The following MBTPS1 variants were observed in gnomAD, a reference collection of about 807,000 sequenced individuals.
MBTPS1 encodes membrane bound transcription factor peptidase, site 1.
Under a neutral mutation model 127.8 loss-of-function variants are expected in MBTPS1, and 94 were observed. The observed-to-expected ratio is 0.74, with a 90% CI of 0.62 to 0.87. MBTPS1 has a LOEUF of 0.87. Among genes scored for constraint, MBTPS1 ranks in the 40% least tolerant of loss-of-function variants. MBTPS1 has a pLI of 0.00. For missense variants in MBTPS1, 1,636 were observed against 1,353.2 expected (o/e 1.21, Z -3.28); for synonymous variants, 632 against 509.4 (o/e 1.24, Z -3.24).
chr16:84,112,020 G>T (rs761172835), intron 1 of MBTPS1, among the ~76,000 whole-genome samples: 5 of 151,830 alleles, frequency 3.3e-5, no homozygotes, highest in Admixed American at 1.3e-4. Flanking sequence ...GGCCAACATA[G>T]CAAAACCCTG....
At position 84,081,775 on chromosome 16, in the gene MBTPS1, T is replaced by G. The variant is rs770500858; in HGVS notation, c.1420A>C (p.Ile474Leu). The change falls in exon 11 of 23, where the codon ATC becomes CTC. Residue 474 changes from isoleucine to leucine, a missense_variant. Transcript: ENST00000343411. Reference sequence around the variant, plus strand: ...GCCTGTGGCTTGTAGCTGTTGAGGATCTGATAGGCTCTGAGCAGATCGAGC... The same window carrying G: ...GCCTGTGGCTTGTAGCTGTTGAGGAGCTGATAGGCTCTGAGCAGATCGAGC... ...GKLDLLRAYQ[I>L]LNSYKPQASL... 1 of 1,450,458 alleles carries G rather than the reference T, an allele frequency of 6.9e-7. No individual in the cohort carries two copies. Among genetic ancestry groups the G allele is most frequent in the Non-Finnish European group, 9.1e-7 (1 of 1,094,310 alleles). The allele number at this position is 1,450,458 out of a possible 1,614,324, so 89.8% of individuals were successfully genotyped here.
chr16:84,093,106 A>T, intron 6 of MBTPS1, 82 bp downstream of exon 6: 1 of 924,200 alleles, frequency 1.1e-6, no homozygotes, highest in East Asian at 2.4e-5. Context: ...CTCCTTTTAC[A>T]CAAGTGTGTA....
chr16:84,085,819 T>C (rs935061450), intron 9 of MBTPS1, among the ~76,000 whole-genome samples: 5 of 151,452 alleles, frequency 3.3e-5, no homozygotes, highest in Non-Finnish European at 7.4e-5. Context: ...TAAGTTAAAA[T>C]TAGAAATATG....
Position 84,056,011 on chromosome 16 carries a change from G to T in MBTPS1, c.2956C>A (p.Pro986Thr), listed in dbSNP as rs538050339. 9 of 1,612,094 alleles carry T rather than the reference G, an allele frequency of 5.6e-6. No homozygotes were observed. The African/African-American group carries it at 9.3e-5, about 17-fold the overall frequency. ...SPGESGAWDIPGGIMPGRYNQ... is the reference protein window; with the variant it reads ...SPGESGAWDITGGIMPGRYNQ... ...AAAGCAGCCGAGAACTCACCTCCAG[G>T]AATGTCCCAGGCGCCGCTCTCTCCA... is the stretch of plus-strand genomic sequence containing the variant. Residue 986 changes from proline (P) to threonine (T), a missense_variant, in exon 22 of 23, where the codon CCT becomes ACT. Physicochemically the swap from Pro to Thr is conservative, Grantham distance 38. Transcript: ENST00000343411.
In MBTPS1 at chr16:84,067,517, C is replaced by G. The variant is rs139826517; in HGVS notation, c.2228+150G>C. On this transcript the variant is annotated intron_variant, in intron 16 of 22. Transcript: ENST00000343411. ...ACAGGCGTGAGCAACCGCACTCAGT[C>G]GAAAGGGCTTTTTTTCTAATCAAGC... The G allele has an allele frequency of 1.5e-3, 936 of 642,986 alleles. 8 individuals are homozygous for G. In the African/African-American group the frequency reaches 0.016, roughly 11 times the overall value. 39.8% of individuals were successfully genotyped at this position (642,986 alleles called of 1,614,324 possible).
chr16:84,106,156 G>A (rs760564147), intron 1 of MBTPS1, among the ~76,000 whole-genome samples: 14 of 151,984 alleles, frequency 9.2e-5, no homozygotes, highest in African/African-American at 1.4e-4. Flanking sequence ...TTAGTCGTGC[G>A]TGGCGACAGG....
intron 11 of MBTPS1, among the ~76,000 whole-genome samples, chr16:84,081,129 C>CT (rs1567487076): frequency 1.3e-5 from 2 of 152,224 alleles, no homozygotes; most frequent in Admixed American, 6.5e-5. Context: ...TTTCCAGACT[C>CT]TGACGCTCAT....
chr16:84,066,105 G>A (rs373748353), intron 17 of MBTPS1, among the ~76,000 whole-genome samples: 10 of 152,202 alleles, frequency 6.6e-5, no homozygotes, highest in African/African-American at 2.4e-4. Context: ...TAGTAAGAAT[G>A]CTTACGACGT....
At chr16:84,095,523 T>C (rs979109689) in intron 4 of MBTPS1, 79 bp downstream of exon 4, 2 of 1,490,718 alleles carry the variant, frequency 1.3e-6, no homozygotes, top group African/African-American at 1.4e-5. Flanking sequence ...CCTGCATGTC[T>C]GGACTTTCCG....
At chr16:84,088,534 C>A (rs1468680260) in intron 8 of MBTPS1, among the ~76,000 whole-genome samples, 2 of 152,178 alleles carry the variant, frequency 1.3e-5, no homozygotes, top group Non-Finnish European at 2.9e-5. Flanking sequence ...ACCTTCCCAC[C>A]CTCCTCTACC....
intron 10 of MBTPS1, among the ~76,000 whole-genome samples, chr16:84,083,466 T>G (rs1336546405): frequency 6.6e-6 from 1 of 152,116 alleles, no homozygotes; most frequent in Non-Finnish European, 1.5e-5. Flanking sequence ...CCCTTTTTTT[T>G]TTTTGGTAGA....
At chr16:84,093,118 A>C in intron 6 of MBTPS1, 70 bp downstream of exon 6, 1 of 994,978 alleles carries the variant, frequency 1.0e-6, no homozygotes, top group South Asian at 1.3e-5. Flanking sequence ...AAGTGTGTAC[A>C]GTCCAGTGAT....
intron 9 of MBTPS1, chr16:84,086,500 G>T (rs550506534): frequency 1.3e-5 from 2 of 152,708 alleles, no homozygotes; most frequent in South Asian, 4.1e-4. Flanking sequence ...CGTGAGTGTG[G>T]GAGGCGGGGA....
chr16:84,097,444 C>G (rs1369900501), intron 3 of MBTPS1, among the ~76,000 whole-genome samples: 2 of 152,212 alleles, frequency 1.3e-5, no homozygotes, highest in Admixed American at 1.3e-4. Context: ...TCACAGCTAA[C>G]TTCAAGGGGC....
chr16:84,100,043 C>G (rs1247748717), intron 2 of MBTPS1, among the ~76,000 whole-genome samples: 2 of 152,182 alleles, frequency 1.3e-5, no homozygotes, highest in African/African-American at 4.8e-5. Flanking sequence ...TCTGGTCACT[C>G]AAACTTTAGA....
In MBTPS1 at chr16:84,095,450, G is replaced by T. The variant is rs186417265; in HGVS notation, c.625+152C>A. ...TTGGCTACCTCCAGCTAAACAAATA[G>T]TAAGAAGGTTAGATGTGGAAGGCTG... On this transcript the variant is annotated intron_variant, in intron 4 of 22. Coordinates refer to ENST00000343411, the MANE Select transcript of MBTPS1 (RefSeq NM_003791.4). The T allele has an allele frequency of 4.1e-6, 3 of 729,386 alleles. No homozygotes were observed. The African/African-American group carries it at 5.3e-5, about 13-fold the overall frequency. The allele number at this position is 729,386 out of a possible 1,614,324, so 45.2% of individuals were successfully genotyped here. A position where few individuals can be genotyped will look rare whatever the true frequency, so the allele number is the denominator to read the frequency against.
chr16:84,069,776 A>G lies in MBTPS1; in HGVS notation c.1955+90T>C, dbSNP rs2085743024. 4 of 1,237,446 alleles carry G rather than the reference A, an allele frequency of 3.2e-6. No individual in the cohort carries two copies. The East Asian group carries it at 7.1e-5, about 22-fold the overall frequency. 76.7% of individuals were successfully genotyped at this position (1,237,446 alleles called of 1,614,324 possible). On this transcript the variant is annotated intron_variant, in intron 14 of 22. Transcript: ENST00000343411. ...AGAGTCCAGGCTCCACGAGAAGCTG[A>G]GCAACATCTTTCCAAGAGTTGCGGG...
At chr16:84,070,552 G>A in intron 13 of MBTPS1, 36 bp downstream of exon 13, 2 of 1,602,286 alleles carry the variant, frequency 1.2e-6, no homozygotes, top group Non-Finnish European at 8.5e-7. Flanking sequence ...ATGTCAAACA[G>A]CTAAGAAAAC....
intron 21 of MBTPS1, 127 bp downstream of exon 21, chr16:84,059,175 G>A (rs868680142): frequency 1.3e-5 from 16 of 1,272,168 alleles, no homozygotes; most frequent in East Asian, 2.4e-5. Context: ...AATAACTGTC[G>A]CAAATGACAA....
Sources: allele counts gnomAD v4.1 joint callset (sites outside exome capture counted in the v4.1 genomes callset), GRCh38; gene constraint gnomAD v4.1.1; transcripts MANE v1.5; gene names NCBI Gene and HGNC (gene_info 2026-07-23, HGNC 2026-07-21).